EFCAB5: variants seen among roughly 807,000 people sequenced by gnomAD.
EFCAB5 encodes the protein EF-hand calcium binding domain 5.
Under a neutral mutation model 167.9 loss-of-function variants are expected in EFCAB5, and 131 were observed. That is an observed-to-expected ratio of 0.78 (90% CI 0.68 to 0.90). EFCAB5 has a LOEUF of 0.90. EFCAB5 is among the 40% of genes least tolerant of loss of function. EFCAB5 has a pLI of 0.00. For synonymous variants in EFCAB5, 574 were observed against 602.8 expected (o/e 0.95, Z 0.70); for missense variants, 1,663 against 1,745.2 (o/e 0.95, Z 0.84).
At position 30,055,923 on chromosome 17, in the gene EFCAB5, T is replaced by G. The variant is rs778567177; in HGVS notation, c.2230T>G (p.Cys744Gly). The change falls in exon 11 of 23, where the codon TGT (cysteine) becomes GGT (glycine). Residue 744 changes from cysteine to glycine, a missense_variant. Transcript: ENST00000394835. ...AAAGGAAGTTCAGAAAGACAAGCCC[T>G]GTGAACCCAAGTCCCAAAAAATAGA... The part of the protein sequence containing the change: ...TKKEVQKDKP[C>G]EPKSQKIEGK... 1.9e-6 allele frequency: 3 copies of G among 1,613,574 alleles called. No homozygotes were observed. Among genetic ancestry groups the G allele is most frequent in the Non-Finnish European group, 2.5e-6 (3 of 1,179,784 alleles).
At chr17:30,091,179 G>A (rs1210759498) in intron 20 of EFCAB5, among the ~76,000 whole-genome samples, 2 of 152,138 alleles carry the variant, frequency 1.3e-5, no homozygotes, top group African/African-American at 2.4e-5. Flanking sequence ...GCTAAAGACT[G>A]CAAAAGTAAA....
intron 15 of EFCAB5, among the ~76,000 whole-genome samples, 187 bp from the exon 16 acceptor site, chr17:30,079,885 C>T (rs2070947918): frequency 6.6e-6 from 1 of 152,190 alleles, no homozygotes; most frequent in East Asian, 1.9e-4. Context: ...CCCACTGAAA[C>T]TCAGACTTAC....
chr17:30,065,898 T>C (rs371709625), intron 14 of EFCAB5, among the ~76,000 whole-genome samples: 7 of 152,058 alleles, frequency 4.6e-5, no homozygotes, highest in African/African-American at 1.2e-4. Flanking sequence ...ATTCAGCAAG[T>C]GAACAATTCT....
chr17:29,955,745 A>G (rs1397025993), intron 3 of EFCAB5, among the ~76,000 whole-genome samples: 1 of 152,192 alleles, frequency 6.6e-6, no homozygotes, highest in East Asian at 1.9e-4. Flanking sequence ...TTCCCAAAGA[A>G]ATTTATAGAT....
intron 22 of EFCAB5, among the ~76,000 whole-genome samples, chr17:30,098,948 T>C (rs2071342888): frequency 6.6e-6 from 1 of 152,212 alleles, no homozygotes; most frequent in Non-Finnish European, 1.5e-5. Context: ...TCAGCATGTT[T>C]TCAAGGTCCA....
intron 15 of EFCAB5, among the ~76,000 whole-genome samples, chr17:30,079,543 T>G (rs1285094669): frequency 2.0e-4 from 31 of 152,218 alleles, no homozygotes; most frequent in Non-Finnish European, 5.9e-5. Flanking sequence ...AAATAGTAGT[T>G]GCAGAAAGTC....
At chr17:29,940,002 C>T (rs2067276826), upstream of EFCAB5, among the ~76,000 whole-genome samples, 1 of 152,082 alleles carries the variant, frequency 6.6e-6, no homozygotes, top group Non-Finnish European at 1.5e-5. Context: ...TTCTCTGTTC[C>T]TTAACATTTT....
intron 14 of EFCAB5, chr17:30,069,564 G>T (rs532445570): frequency 1.1e-5 from 18 of 1,613,240 alleles, no homozygotes; most frequent in Middle Eastern, 1.7e-4. Context: ...GCTGGCTTCC[G>T]CGTATGGATC....
chr17:30,082,842 T>C, intron 17 of EFCAB5, 49 bp from the exon 18 acceptor site: 1 of 1,528,954 alleles, frequency 6.5e-7, no homozygotes. Context: ...TTACTAATTA[T>C]TTTTCTATTT....
chr17:30,015,822 G>A (rs1019863980), intron 7 of EFCAB5, among the ~76,000 whole-genome samples: 1 of 148,780 alleles, frequency 6.7e-6, no homozygotes, highest in Non-Finnish European at 1.5e-5. Context: ...GGAGTGCAAT[G>A]GTGCAACTGG....
intron 5 of EFCAB5, among the ~76,000 whole-genome samples, chr17:29,994,140 A>ATATATATG (rs1248235872): frequency 1.5e-5 from 1 of 64,872 alleles, no homozygotes; most frequent in East Asian, 4.2e-4. Flanking sequence ...ACAAATATAT[A>ATATATATG]TATATATATA....
intron 22 of EFCAB5, among the ~76,000 whole-genome samples, chr17:30,094,989 A>G (rs1489782488): frequency 6.6e-6 from 1 of 152,168 alleles, no homozygotes; most frequent in Non-Finnish European, 1.5e-5. Context: ...CTGGAGATTC[A>G]TGACGTGACC....
chr17:30,060,963 G>A (rs2070409136), intron 14 of EFCAB5, among the ~76,000 whole-genome samples: 1 of 152,152 alleles, frequency 6.6e-6, no homozygotes, highest in South Asian at 2.1e-4. Context: ...CTTTAGATAT[G>A]AAGAATCCTA....
At chr17:29,991,380 G>T (rs11650795) in intron 4 of EFCAB5, among the ~76,000 whole-genome samples, 1 of 152,162 alleles carries the variant, frequency 6.6e-6, no homozygotes, top group Non-Finnish European at 1.5e-5. Context: ...AGAGCTGAGA[G>T]CCTCGAACAG....
chr17:30,000,606 T>C (rs1234376299), intron 7 of EFCAB5, among the ~76,000 whole-genome samples: 2 of 152,218 alleles, frequency 1.3e-5, no homozygotes, highest in Non-Finnish European at 2.9e-5. Context: ...TTTTCTCTGA[T>C]GAGTTCCAGA....
chr17:30,049,147 G>A (rs1017360045), intron 8 of EFCAB5, among the ~76,000 whole-genome samples: 2 of 152,096 alleles, frequency 1.3e-5, no homozygotes, highest in Admixed American at 6.6e-5. Context: ...AGTAGCATTA[G>A]ATACCTTGGT....
intron 4 of EFCAB5, among the ~76,000 whole-genome samples, chr17:29,989,704 A>C (rs1311159424): frequency 6.6e-6 from 1 of 152,180 alleles, no homozygotes; most frequent in Non-Finnish European, 1.5e-5. Flanking sequence ...GAGAATTCCA[A>C]GGGGAAAATC....
chr17:30,107,392 T>G (rs2071462607), intron 22 of EFCAB5, among the ~76,000 whole-genome samples: 1 of 152,194 alleles, frequency 6.6e-6, no homozygotes. Context: ...ATTTCTATCT[T>G]TCCTCGATCC....
intron 22 of EFCAB5, among the ~76,000 whole-genome samples, chr17:30,100,949 A>G (rs1336776215): frequency 6.6e-6 from 1 of 152,266 alleles, no homozygotes; most frequent in Admixed American, 6.5e-5. Context: ...CAGTGTTTTC[A>G]AATAGCAACA....
Sources: allele counts gnomAD v4.1 joint callset (sites outside exome capture counted in the v4.1 genomes callset), GRCh38; gene constraint gnomAD v4.1.1; transcripts MANE v1.5; gene names NCBI Gene and HGNC (gene_info 2026-07-23, HGNC 2026-07-21).